The following IL12RB2 variants were observed in gnomAD, a reference collection of about 807,000 sequenced individuals.
IL12RB2 encodes the protein interleukin 12 receptor subunit beta 2.
Under a neutral mutation model 89.4 loss-of-function variants are expected in IL12RB2, and 82 were observed. The observed-to-expected ratio is 0.92, with a 90% CI of 0.77 to 1.10. The LOEUF (loss-of-function observed/expected upper bound fraction) is 1.10. Ranked by LOEUF, IL12RB2 falls within the 50% of genes least tolerant of loss-of-function variation. The probability of loss-of-function intolerance (pLI) is 0.00; values close to 1 mark genes in which losing one functional copy is unlikely to be tolerated. For missense variants in IL12RB2, 963 were observed against 1,031.9 expected (o/e 0.93, Z 0.92); for synonymous variants, 368 against 370.1 (o/e 0.99, Z 0.07).
chr1:67,372,080 G>GTA (rs1177485645), intron 11 of IL12RB2, among the ~76,000 whole-genome samples: 2 of 151,170 alleles, frequency 1.3e-5, no homozygotes, highest in East Asian at 3.9e-4. Context: ...GTGTGTGTCT[G>GTA]TGTGTGTGTG....
At chr1:67,322,138 G>A (rs1277807195) in intron 4 of IL12RB2, among the ~76,000 whole-genome samples, 1 of 151,952 alleles carries the variant, frequency 6.6e-6, no homozygotes, top group Non-Finnish European at 1.5e-5. Context: ...CTTAACTCCA[G>A]TGGCAGAAAA....
At chr1:67,386,875 TATATATATATATATATATATA>T (rs1665232642) in intron 15 of IL12RB2, among the ~76,000 whole-genome samples, 1 of 19,972 alleles carries the variant, frequency 5.0e-5, no homozygotes, top group Non-Finnish European at 1.4e-4. Flanking sequence ...ATGTATTTTA[TATATATATATATATATATATA>T]TATATATATA....
At chr1:67,307,828 AG>A (rs1654462723), upstream of IL12RB2, 1 of 152,042 alleles carries the variant, frequency 6.6e-6, no homozygotes, top group South Asian at 2.1e-4. Context: ...CGGGAGGCGG[AG>A]GCGGGAGGGC....
At chr1:67,328,077 C>T in intron 5 of IL12RB2, 123 bp from the exon 6 acceptor site, 2 of 771,204 alleles carry the variant, frequency 2.6e-6, no homozygotes, top group Non-Finnish European at 4.6e-6. Context: ...ATCCCCTAGT[C>T]ATAAGATTGA....
intron 14 of IL12RB2, among the ~76,000 whole-genome samples, chr1:67,384,822 A>G (rs1664969576): frequency 6.6e-6 from 1 of 152,180 alleles, no homozygotes; most frequent in African/African-American, 2.4e-5. Context: ...GTTCCCAACA[A>G]GTTCCTTGTC....
chr1:67,377,823 C>A (rs1167183813), intron 13 of IL12RB2, among the ~76,000 whole-genome samples: 1 of 151,952 alleles, frequency 6.6e-6, no homozygotes, highest in East Asian at 1.9e-4. Context: ...GCAAAATGAA[C>A]CTCAAAACCC....
chr1:67,325,113 T>C (rs1393792300), intron 4 of IL12RB2, among the ~76,000 whole-genome samples: 1 of 152,254 alleles, frequency 6.6e-6, no homozygotes, highest in African/African-American at 2.4e-5. Context: ...TTGAGTCATT[T>C]ATACAGATCA....
At chr1:67,352,228 A>C (rs1660930248) in intron 10 of IL12RB2, among the ~76,000 whole-genome samples, 1 of 152,194 alleles carries the variant, frequency 6.6e-6, no homozygotes, top group South Asian at 2.1e-4. Context: ...TGAGTTAGGA[A>C]TTTCTCTTAG....
rs555779506 is a variant in IL12RB2, at chr1:67,380,722, G to A, written c.1855+599G>A. ...AGGTGTCAGCAGGGTTGGTTCTTTC[G>A]GAGGGCTATGAGAGAGAATCTATTC... On this transcript the variant is annotated intron_variant, in intron 14 of 16. Transcript: ENST00000674203. Among the ~76,000 whole-genome samples, 16 of 152,248 alleles carry A rather than the reference G, an allele frequency of 1.1e-4. No homozygotes were observed. In the East Asian group the frequency reaches 2.1e-3, roughly 20 times the overall value.
At chr1:67,392,447 T>A (rs1665926673) in intron 16 of IL12RB2, among the ~76,000 whole-genome samples, 1 of 152,116 alleles carries the variant, frequency 6.6e-6, no homozygotes, top group Non-Finnish European at 1.5e-5. Flanking sequence ...TTTATTTATA[T>A]AAAAATGAGG....
chr1:67,374,775 C>CCCT (rs1663774856), intron 13 of IL12RB2, among the ~76,000 whole-genome samples: 1 of 113,090 alleles, frequency 8.8e-6, no homozygotes, highest in African/African-American at 3.3e-5. Flanking sequence ...CCAGCCCAGC[C>CCCT]TCTTTTTTTT....
At position 67,398,077 on chromosome 1, in the gene IL12RB2, GA is replaced by G. The variant is rs1437166907; in HGVS notation, c.*1992del. On this transcript the variant is annotated 3_prime_UTR_variant, in exon 17 of 17. Transcript: ENST00000674203. ...CCTATAGTTCTCTCAGGCTTTTTTTGAAAAGTTCCTTCGTTTCTATTTCTAT... is the reference window on the plus strand; with the variant it reads ...CCTATAGTTCTCTCAGGCTTTTTTTGAAAGTTCCTTCGTTTCTATTTCTAT... Among the ~76,000 whole-genome samples the G allele has an allele frequency of 6.6e-6, 1 of 151,914 alleles. No individual in the cohort carries two copies. Among genetic ancestry groups the G allele is most frequent in the East Asian group, 1.9e-4 (1 of 5,182 alleles).
At chr1:67,343,378 G>A (rs1353610344) in intron 9 of IL12RB2, among the ~76,000 whole-genome samples, 1 of 152,166 alleles carries the variant, frequency 6.6e-6, no homozygotes, top group African/African-American at 2.4e-5. Context: ...TACCACACCT[G>A]GCCCATAGCT....
chr1:67,373,905 T>C (rs1663645950), intron 13 of IL12RB2, among the ~76,000 whole-genome samples: 1 of 152,212 alleles, frequency 6.6e-6, no homozygotes, highest in African/African-American at 2.4e-5. Flanking sequence ...TGGTCTTCTC[T>C]CTTGACTTTA....
intron 8 of IL12RB2, among the ~76,000 whole-genome samples, chr1:67,336,157 G>A (rs923605848): frequency 2.0e-5 from 3 of 152,214 alleles, no homozygotes; most frequent in African/African-American, 7.2e-5. Flanking sequence ...GGTCAATGTA[G>A]TGAACTGTAA....
At chr1:67,315,678 G>C (rs1223422270) in intron 2 of IL12RB2, among the ~76,000 whole-genome samples, 1 of 152,218 alleles carries the variant, frequency 6.6e-6, no homozygotes, top group East Asian at 1.9e-4. Flanking sequence ...AGTAGAGTCA[G>C]TTACTTAAAT....
chr1:67,388,393 T>C (rs1448379242), intron 15 of IL12RB2, among the ~76,000 whole-genome samples: 1 of 152,168 alleles, frequency 6.6e-6, no homozygotes, highest in Non-Finnish European at 1.5e-5. Context: ...TCGCCCAGGC[T>C]GGAGTGCAGT....
chr1:67,380,243 G>A, intron 14 of IL12RB2, 120 bp downstream of exon 14: 1 of 1,007,274 alleles, frequency 9.9e-7, no homozygotes, highest in Non-Finnish European at 1.5e-6. Flanking sequence ...CTTTCTTGCT[G>A]TCACTTTACA....
intron 2 of IL12RB2, among the ~76,000 whole-genome samples, chr1:67,320,096 C>T (rs544197086): frequency 6.6e-6 from 1 of 152,316 alleles, no homozygotes; most frequent in African/African-American, 2.4e-5. Context: ...TGAACTAAGA[C>T]ATCCAAATTC....
Sources: gnomAD v4.1 joint callset for allele counts (sites outside exome capture counted in the v4.1 genomes callset) on GRCh38, gnomAD v4.1.1 for gene constraint, MANE v1.5 for transcripts, NCBI Gene and HGNC (gene_info 2026-07-23, HGNC 2026-07-21) for gene names.